The following PFKFB2 variants were observed in gnomAD, a reference collection of about 807,000 sequenced individuals.
PFKFB2 encodes 6-phosphofructo-2-kinase/fructose-2,6-biphosphatase 2.
A neutral mutation model predicts 68.0 loss-of-function variants in PFKFB2; 53 were observed. The observed-to-expected ratio is 0.78, with a 90% CI of 0.63 to 0.98. The LOEUF is 0.98. PFKFB2 is among the 50% of genes least tolerant of loss of function. PFKFB2 has a pLI of 0.00. For synonymous variants in PFKFB2, 222 were observed against 227.6 expected (o/e 0.98, Z 0.22); for missense variants, 451 against 642.0 (o/e 0.70, Z 3.22).
At position 207,063,913 on chromosome 1, in the gene PFKFB2, G is replaced by GT; in HGVS notation, c.507+85dup. The GT allele has an allele frequency of 2.0e-6, 2 of 989,868 alleles. No individual in the cohort carries two copies. Among genetic ancestry groups the GT allele is most frequent in the African/African-American group, 1.6e-5 (1 of 63,264 alleles). 61.3% of individuals were successfully genotyped at this position (989,868 alleles called of 1,614,324 possible). On this transcript the variant is annotated intron_variant, in intron 7 of 14. Transcript: ENST00000367080. The surrounding 1 kb of genome is among the most constrained non-coding windows in gnomAD (Gnocchi z 4.1). ...GGTGTGTGTGTGTGTGTGTGTGTGT[G>GT]TGTTGTTGGGGAGGGGTGTTTTCGT...
rs187044828 is a variant in PFKFB2, at chr1:207,065,179, G to C, written c.632+19G>C. Reference sequence around the variant, plus strand: ...ATGACAAGTAAGGTTTAAGGCCATGGTTTGAAGGGCCCAAGGCAAAGGTCT... The same window carrying C: ...ATGACAAGTAAGGTTTAAGGCCATGCTTTGAAGGGCCCAAGGCAAAGGTCT... On this transcript the variant is annotated intron_variant, in intron 8 of 14. Coordinates refer to ENST00000367080, the MANE Select transcript of PFKFB2 (RefSeq NM_006212.2). 4 of 1,613,032 alleles carry C rather than the reference G, an allele frequency of 2.5e-6. No homozygotes were observed. In the African/African-American group the frequency reaches 4.0e-5, roughly 16 times the overall value.
chr1:207,072,729 C>T lies in PFKFB2; in HGVS notation c.*358C>T, dbSNP rs902317270. The T allele has an allele frequency of 2.3e-5, 24 of 1,027,136 alleles. No homozygotes were observed. The highest frequency in any genetic ancestry group is 2.6e-5 in the Non-Finnish European group (22 of 857,754). The allele number at this position is 1,027,136 out of a possible 1,614,324, so 63.6% of individuals were successfully genotyped here. On this transcript the variant is annotated 3_prime_UTR_variant, in exon 15 of 15. Coordinates refer to ENST00000367080, the MANE Select transcript of PFKFB2 (RefSeq NM_006212.2). Reference sequence around the variant, plus strand: ...TGTTCCCTGGTGTCTTCACTAATGTCCTCATGTTGGTGAAGTGTTGGGGGA... The same window carrying T: ...TGTTCCCTGGTGTCTTCACTAATGTTCTCATGTTGGTGAAGTGTTGGGGGA...
chr1:207,038,388 A>G (rs1304772992), intron 1 of PFKFB2, among the ~76,000 whole-genome samples: 1 of 152,200 alleles, frequency 6.6e-6, no homozygotes, highest in African/African-American at 2.4e-5. Flanking sequence ...TGCTTAATAT[A>G]GCTTATAGAT....
chr1:207,044,618 A>C (rs1682550215), intron 2 of PFKFB2: 1 of 152,300 alleles, frequency 6.6e-6, no homozygotes, highest in Non-Finnish European at 1.5e-5. Flanking sequence ...AAATGCTTAT[A>C]ATTCATGGTT....
At chr1:207,078,631 C>G (rs1480981589), downstream of PFKFB2, among the ~76,000 whole-genome samples, 2 of 152,230 alleles carry the variant, frequency 1.3e-5, no homozygotes, top group Non-Finnish European at 2.9e-5. Context: ...CTGACATAGC[C>G]TACACGATTT....
chr1:207,043,000 G>A (rs1682509333), intron 2 of PFKFB2, among the ~76,000 whole-genome samples: 1 of 151,958 alleles, frequency 6.6e-6, no homozygotes, highest in South Asian at 2.1e-4. Context: ...CCACCATGGT[G>A]ATAGCCACGA....
rs1270786806 is a variant in PFKFB2 at position 207,076,812 on chromosome 1, TG to T, written c.*4444del. On this transcript the variant is annotated 3_prime_UTR_variant, in exon 15 of 15. Transcript: ENST00000367080. ...CTGATAGATAGACTATAGTAAAATT[TG>T]GGTGTTGCCTGACTAACGGTCTAGG... 2 of 985,320 alleles carry T rather than the reference TG, an allele frequency of 2.0e-6. No homozygotes were observed. Among genetic ancestry groups the T allele is most frequent in the Non-Finnish European group, 2.4e-6 (2 of 829,934 alleles). The allele number at this position is 985,320 out of a possible 1,614,324, so 61.0% of individuals were successfully genotyped here. A position where few individuals can be genotyped will look rare whatever the true frequency, so the allele number is the denominator to read the frequency against.
At position 207,063,841 on chromosome 1, in the gene PFKFB2, C is replaced by G. The variant is rs1683194784; in HGVS notation, c.507+12C>G. On this transcript the variant is annotated intron_variant, in intron 7 of 14. Transcript: ENST00000367080. The surrounding 1 kb of genome is among the most constrained non-coding windows in gnomAD (Gnocchi z 4.1). ...CTGCCAATATTCTGGTTGGTGACAC[C>G]CCTACATATCATCTCCTCTTCACCT... is the stretch of plus-strand genomic sequence containing the variant. 1 of 1,599,658 alleles carries G rather than the reference C, an allele frequency of 6.3e-7. No individual in the cohort carries two copies. The highest frequency in any genetic ancestry group is 8.6e-7 in the Non-Finnish European group (1 of 1,167,302).
At chr1:207,062,193 C>G (rs1172406718) in intron 3 of PFKFB2, 115 bp downstream of exon 3, 1 of 1,365,620 alleles carries the variant, frequency 7.3e-7, no homozygotes, top group African/African-American at 1.4e-5. Flanking sequence ...GCAGAAATAG[C>G]AGTTGCTTTC....
chr1:207,078,421 ACATTTAAC>A (rs1351912077), downstream of PFKFB2, among the ~76,000 whole-genome samples: 1 of 152,204 alleles, frequency 6.6e-6, no homozygotes, highest in East Asian at 1.9e-4. Context: ...ATTCATATGC[ACATTTAAC>A]ATTTGAGAAG....
At chr1:207,060,185 G>A (rs990257401) in intron 2 of PFKFB2, among the ~76,000 whole-genome samples, 1 of 152,162 alleles carries the variant, frequency 6.6e-6, no homozygotes, top group Non-Finnish European at 1.5e-5. Context: ...CTCTTTTTAT[G>A]GAGAAAAGCT....
chr1:207,050,627 C>T (rs1682717177), upstream of PFKFB2: 5 of 1,597,036 alleles, frequency 3.1e-6, no homozygotes, highest in Non-Finnish European at 4.3e-6. Flanking sequence ...GTGTTTTGTT[C>T]TCTCTCACGC....
At position 207,076,783 on chromosome 1, in the gene PFKFB2, C is replaced by A; in HGVS notation, c.*4412C>A. On this transcript the variant is annotated 3_prime_UTR_variant, in exon 15 of 15. Transcript: ENST00000367080. The stretch of plus-strand genomic sequence containing the variant: ...GACAGACTGTAGTAGTGTCTGTGTG[C>A]TGACTGATAGATAGACTATAGTAAA... 1 of 972,466 alleles carries A rather than the reference C, an allele frequency of 1.0e-6. No individual in the cohort carries two copies. 60.2% of individuals were successfully genotyped at this position (972,466 alleles called of 1,614,324 possible).
chr1:207,049,236 A>G (rs1198202152), upstream of PFKFB2: 1 of 1,614,160 alleles, frequency 6.2e-7, no homozygotes, highest in Non-Finnish European at 8.5e-7. Context: ...GTGTATCTGG[A>G]TCAGGGAAGT....
At chr1:207,055,476 G>T (rs1682891285) in intron 2 of PFKFB2, among the ~76,000 whole-genome samples, 2 of 152,100 alleles carry the variant, frequency 1.3e-5, no homozygotes, top group African/African-American at 4.8e-5. Flanking sequence ...CTGTCCCCAA[G>T]CATCTGTATT....
intron 1 of PFKFB2, among the ~76,000 whole-genome samples, chr1:207,053,574 G>C (rs904389030): frequency 9.2e-5 from 14 of 152,152 alleles, no homozygotes; most frequent in African/African-American, 3.4e-4. Context: ...GAAGGCGCAG[G>C]ATCTTCCGTC....
chr1:207,080,279 T>C (rs1179747130), downstream of PFKFB2: 1 of 152,222 alleles, frequency 6.6e-6, no homozygotes, highest in East Asian at 1.9e-4. Context: ...TTCTTTTCCT[T>C]TTCACTCAAA....
At chr1:207,079,893 G>A (rs1255112924), downstream of PFKFB2, 1 of 152,262 alleles carries the variant, frequency 6.6e-6, no homozygotes, top group Non-Finnish European at 1.5e-5. Flanking sequence ...ACAGGTGGAA[G>A]GAGACACGCC....
At chr1:207,065,225 C>T (rs1419476950) in intron 8 of PFKFB2, 65 bp downstream of exon 8, 3 of 1,587,288 alleles carry the variant, frequency 1.9e-6, no homozygotes, top group Non-Finnish European at 2.6e-6. Context: ...AATAACCTTT[C>T]TCCCTGAGTT....
Sources: gnomAD v4.1 joint callset for allele counts (sites outside exome capture counted in the v4.1 genomes callset) on GRCh38, gnomAD v4.1.1 for gene constraint, Gnocchi (gnomAD v3.1) non-coding constraint, MANE v1.5 for transcripts, NCBI Gene and HGNC (gene_info 2026-07-23, HGNC 2026-07-21) for gene names.